The following CCDC149 variants were observed in gnomAD, a reference collection of about 807,000 sequenced individuals.
The protein encoded by CCDC149 is coiled-coil domain containing 149, also known as coiled-coil domain-containing protein 149.
CCDC149 carries 45 observed loss-of-function variants against 59.9 expected under a neutral mutation model. The ratio of observed to expected loss-of-function variants is 0.75; its 90% CI spans 0.59 to 0.96. CCDC149 has a LOEUF of 0.96. CCDC149 is among the 40% of genes least tolerant of loss of function. The probability of loss-of-function intolerance (pLI) is 0.00; values close to 1 mark genes in which losing one functional copy is unlikely to be tolerated. For synonymous variants in CCDC149, 245 were observed against 260.6 expected (o/e 0.94, Z 0.58); for missense variants, 584 against 664.7 (o/e 0.88, Z 1.33).
At chr4:24,895,154 A>T (rs1439804318) in intron 1 of CCDC149, 31 of 784,352 alleles carry the variant, frequency 4.0e-5, no homozygotes, top group Non-Finnish European at 2.2e-5. Flanking sequence ...ACAGCATATG[A>T]TACTGGAAGT....
chr4:24,976,893 G>T (rs1724224001), intron 1 of CCDC149, among the ~76,000 whole-genome samples: 1 of 152,216 alleles, frequency 6.6e-6, no homozygotes, highest in Non-Finnish European at 1.5e-5. Flanking sequence ...CGCTAGAGGA[G>T]TGTGCATGGA....
At chr4:24,975,042 T>C (rs916143775) in intron 1 of CCDC149, among the ~76,000 whole-genome samples, 3 of 152,086 alleles carry the variant, frequency 2.0e-5, no homozygotes, top group Admixed American at 2.0e-4. Flanking sequence ...TTAAAGGTCT[T>C]ATAAAATAGG....
intron 3 of CCDC149, among the ~76,000 whole-genome samples, chr4:24,869,641 G>A (rs780253063): frequency 6.6e-6 from 1 of 152,188 alleles, no homozygotes; most frequent in Non-Finnish European, 1.5e-5. Flanking sequence ...ATTGATGGAT[G>A]CTCACCTTGT....
At chr4:24,815,348 CATA>C (rs1191581949) in intron 12 of CCDC149, among the ~76,000 whole-genome samples, 1 of 152,152 alleles carries the variant, frequency 6.6e-6, no homozygotes, top group Admixed American at 6.6e-5. Flanking sequence ...ACATAATTTT[CATA>C]CTCACAGATG....
intron 1 of CCDC149, among the ~76,000 whole-genome samples, chr4:24,950,655 G>A (rs1723257904): frequency 6.6e-6 from 1 of 152,222 alleles, no homozygotes; most frequent in Admixed American, 6.5e-5. Context: ...TCTATGAAAT[G>A]GGGATAATTA....
intron 1 of CCDC149, among the ~76,000 whole-genome samples, chr4:24,958,225 C>G (rs185403782): frequency 6.6e-6 from 1 of 152,174 alleles, no homozygotes; most frequent in African/African-American, 2.4e-5. Flanking sequence ...CATATGGTAG[C>G]GTACCTTGAA....
At chr4:24,825,110 C>T (rs151039361) in intron 9 of CCDC149, among the ~76,000 whole-genome samples, 1,999 of 152,150 alleles carry the variant, frequency 0.013, 20 homozygotes, top group Middle Eastern at 0.037. Context: ...TTTAGTTTGA[C>T]CAATTCAACA....
chr4:24,968,376 T>G (rs1005996188), intron 1 of CCDC149, among the ~76,000 whole-genome samples: 3 of 152,272 alleles, frequency 2.0e-5, no homozygotes, highest in Non-Finnish European at 4.4e-5. Context: ...ATAGCAGGAA[T>G]GGATGCATTC....
chr4:24,918,342 C>T (rs927487570), intron 1 of CCDC149, among the ~76,000 whole-genome samples: 1 of 152,048 alleles, frequency 6.6e-6, no homozygotes, highest in African/African-American at 2.4e-5. Flanking sequence ...ATATAAATGG[C>T]CAGTGCTGGT....
Position 24,837,631 on chromosome 4 carries a change from A to C in CCDC149, c.490-231T>G, listed in dbSNP as rs1438432952. ...AGACAGGAGAGGTGCAGCAGCTTAG[A>C]AAACCAGAACTGAACCCTCGCCAAC... On this transcript the variant is annotated intron_variant, in intron 5 of 12. Coordinates refer to ENST00000635206, the MANE Select transcript of CCDC149 (RefSeq NM_001330643.2). This position sits in a 1 kb window ranked among gnomAD's most constrained non-coding sequence, Gnocchi z 4.3. Among the ~76,000 whole-genome samples the C allele has an allele frequency of 6.6e-6, 1 of 152,242 alleles. No homozygotes were observed. The highest frequency in any genetic ancestry group is 1.5e-5 in the Non-Finnish European group (1 of 68,038).
chr4:24,899,405 G>C (rs1429468860), intron 1 of CCDC149, among the ~76,000 whole-genome samples: 1 of 152,176 alleles, frequency 6.6e-6, no homozygotes, highest in African/African-American at 2.4e-5. Flanking sequence ...AGTTCCTGGG[G>C]ACATGGCCAG....
upstream of CCDC149, chr4:24,913,079 G>T (rs1043891342): frequency 3.2e-5 from 5 of 157,480 alleles, no homozygotes; most frequent in Non-Finnish European, 6.8e-5. Context: ...GGCCGCCGGG[G>T]CCGCAGACAC....
intron 9 of CCDC149, chr4:24,829,020 C>T (rs1317602245): frequency 1.3e-5 from 2 of 152,276 alleles, no homozygotes; most frequent in Non-Finnish European, 2.9e-5. Context: ...CATGTCAGGC[C>T]GACAGCCTGT....
intron 3 of CCDC149, among the ~76,000 whole-genome samples, chr4:24,860,393 G>A (rs781420364): frequency 2.0e-5 from 3 of 152,184 alleles, no homozygotes; most frequent in Non-Finnish European, 2.9e-5. Flanking sequence ...AAAGGCGCAC[G>A]TAGAGGAATG....
intron 1 of CCDC149, among the ~76,000 whole-genome samples, chr4:24,945,754 T>A (rs1723091018): frequency 6.6e-6 from 1 of 151,954 alleles, no homozygotes; most frequent in South Asian, 2.1e-4. Flanking sequence ...CCCAAGTAGC[T>A]GGGATTACAA....
intron 1 of CCDC149, among the ~76,000 whole-genome samples, chr4:24,949,287 G>A (rs1240698543): frequency 6.6e-6 from 1 of 152,186 alleles, no homozygotes; most frequent in African/African-American, 2.4e-5. Context: ...AAACAGACCA[G>A]AGAGGCTCTG....
intron 1 of CCDC149, among the ~76,000 whole-genome samples, chr4:24,963,454 G>A (rs988058560): frequency 6.6e-6 from 1 of 152,150 alleles, no homozygotes; most frequent in Non-Finnish European, 1.5e-5. Context: ...CACACTCTCA[G>A]TGTCAGCAGA....
At chr4:24,859,357 A>G (rs1718229675) in intron 3 of CCDC149, among the ~76,000 whole-genome samples, 1 of 152,118 alleles carries the variant, frequency 6.6e-6, no homozygotes, top group East Asian at 1.9e-4. Context: ...AATGTTTTCA[A>G]TTTATGATGG....
chr4:24,928,258 C>T (rs577680286), intron 1 of CCDC149, among the ~76,000 whole-genome samples: 1 of 152,138 alleles, frequency 6.6e-6, no homozygotes, highest in South Asian at 2.1e-4. Context: ...GCAACATGCT[C>T]GGTATTTTTC....
Sources: allele counts gnomAD v4.1 joint callset (sites outside exome capture counted in the v4.1 genomes callset), GRCh38; gene constraint gnomAD v4.1.1; non-coding constraint Gnocchi (gnomAD v3.1); transcripts MANE v1.5; gene names NCBI Gene and HGNC (gene_info 2026-07-23, HGNC 2026-07-21).